Variants in KIRREL3 observed in about 807,000 individuals in gnomAD.
The protein encoded by KIRREL3 is kin of IRRE-like protein 3.
Under a neutral mutation model 89.7 loss-of-function variants are expected in KIRREL3, and 36 were observed. The ratio of observed to expected loss-of-function variants is 0.40; its 90% CI spans 0.31 to 0.53. The LOEUF is 0.53. KIRREL3 is among the 20% of genes least tolerant of loss of function. The pLI is 0.49. For synonymous variants in KIRREL3, 445 were observed against 441.4 expected, an observed-to-expected ratio of 1.01 and a Z score of -0.10; for missense variants, 864 against 1,056.6, an observed-to-expected ratio of 0.82 and a Z score of 2.53.
In KIRREL3 at chr11:126,456,057, T is replaced by TTTTTTTTTTTTTTTTTTTTTTTTTTTTC. The variant is rs147218473; in HGVS notation, c.848+291_848+292insGAAAAAAAAAAAAAAAAAAAAAAAAAAA. 4.4e-4 allele frequency among the ~76,000 whole-genome samples: 48 copies of TTTTTTTTTTTTTTTTTTTTTTTTTTTTC among 109,800 alleles called. 4 individuals are homozygous for TTTTTTTTTTTTTTTTTTTTTTTTTTTTC. The highest frequency in any genetic ancestry group is 5.6e-4 in the East Asian group (2 of 3,590). 72.0% of individuals were successfully genotyped at this position (109,800 alleles called of 152,430 possible). A position where few individuals can be genotyped will look rare whatever the true frequency, so the allele number is the denominator to read the frequency against. On this transcript the variant is annotated intron_variant, in intron 7 of 16. Coordinates refer to ENST00000525144, the MANE Select transcript of KIRREL3 (RefSeq NM_032531.4). The stretch of plus-strand genomic sequence containing the variant: ...TGTTTTCGTTTTTTTTTTTTTTTTT[T>TTTTTTTTTTTTTTTTTTTTTTTTTTTTC]CCTGAGCCTTTTCCCCATGTTTGGA...
rs375649807 is a variant in KIRREL3 at position 126,486,745 on chromosome 11, C to T, written c.434-13279G>A. On this transcript the variant is annotated intron_variant, in intron 4 of 16. Transcript: ENST00000525144. The surrounding 1 kb of genome is among the most constrained non-coding windows in gnomAD (Gnocchi z 6.2). ...CACGCAACTGGCAAGGACTCTGGCT[C>T]AGATCCTGCTGCCCCAACCACTCAG... 1.3e-5 allele frequency among the ~76,000 whole-genome samples: 2 copies of T among 152,316 alleles called. No individual in the cohort carries two copies. Among genetic ancestry groups the T allele is most frequent in the South Asian group, 4.1e-4 (2 of 4,828 alleles).
chr11:126,874,396 T>C (rs1450051943), intron 1 of KIRREL3, among the ~76,000 whole-genome samples: 1 of 152,234 alleles, frequency 6.6e-6, no homozygotes, highest in Non-Finnish European at 1.5e-5. Flanking sequence ...AGGCATCTCT[T>C]ATTCAGGGTA....
chr11:126,458,684 G>A (rs149162286), intron 6 of KIRREL3, among the ~76,000 whole-genome samples: 2 of 152,262 alleles, frequency 1.3e-5, no homozygotes, highest in African/African-American at 4.8e-5. Context: ...GTTCCAGACG[G>A]GGGACCACAA....
At chr11:126,786,302 G>A (rs888258652) in intron 1 of KIRREL3, among the ~76,000 whole-genome samples, 13 of 152,180 alleles carry the variant, frequency 8.5e-5, no homozygotes, top group Non-Finnish European at 1.2e-4. Flanking sequence ...GAAATTCACC[G>A]AAATGCTAAT....
chr11:126,532,661 C>T (rs990340544), intron 2 of KIRREL3, among the ~76,000 whole-genome samples: 2 of 133,576 alleles, frequency 1.5e-5, no homozygotes, highest in Non-Finnish European at 3.2e-5. Context: ...TAAGCGTGAG[C>T]CACTACACCT....
At chr11:126,473,995 G>C (rs1181985414) in intron 4 of KIRREL3, among the ~76,000 whole-genome samples, 1 of 151,804 alleles carries the variant, frequency 6.6e-6, no homozygotes, top group African/African-American at 2.4e-5. Context: ...GTAGAGTTGG[G>C]GTTTCAACAT....
At position 126,995,399 on chromosome 11, in the gene KIRREL3, G is replaced by C. The variant is rs765972583; in HGVS notation, c.55+5056C>G. On this transcript the variant is annotated intron_variant, in intron 1 of 16. Transcript: ENST00000525144. The surrounding 1 kb of genome is among the most constrained non-coding windows in gnomAD (Gnocchi z 6.5). ...AGAACACCCCTCTTCCCAGGCACAG[G>C]ACGAGTTCAGTGCCTCTCTGTTTCT... 2.2e-6 allele frequency: 1 copy of C among 452,708 alleles called. No individual in the cohort carries two copies. Among genetic ancestry groups the C allele is most frequent in the Non-Finnish European group, 4.5e-6 (1 of 224,310 alleles). The allele number at this position is 452,708 out of a possible 1,614,324, so 28.0% of individuals were successfully genotyped here.
Position 126,736,250 on chromosome 11 carries a change from G to C in KIRREL3, c.56-173338C>G, listed in dbSNP as rs2134207313. Among the ~76,000 whole-genome samples, 1 of 152,322 alleles carries C rather than the reference G, an allele frequency of 6.6e-6. No individual in the cohort carries two copies. Among genetic ancestry groups the C allele is most frequent in the African/African-American group, 2.4e-5 (1 of 41,574 alleles). ...TTATGGGGCCATACACTATACGCTA[G>C]AAGTTTTACACACATTTCCTCATTT... On this transcript the variant is annotated intron_variant, in intron 1 of 16. Transcript: ENST00000525144. This position sits in a 1 kb window ranked among gnomAD's most constrained non-coding sequence, Gnocchi z 5.0.
At chr11:126,464,620 T>G (rs988964670) in intron 5 of KIRREL3, among the ~76,000 whole-genome samples, 6 of 150,478 alleles carry the variant, frequency 4.0e-5, no homozygotes, top group Admixed American at 6.6e-5. Flanking sequence ...AAGAGGAGGA[T>G]GAGGAGAAGA....
At chr11:126,963,537 C>G (rs867448204) in intron 1 of KIRREL3, among the ~76,000 whole-genome samples, 1 of 152,130 alleles carries the variant, frequency 6.6e-6, no homozygotes, top group Non-Finnish European at 1.5e-5. Flanking sequence ...GAACAAAATG[C>G]TTTGTGACGA....
rs67307715 is a variant in KIRREL3 at position 126,745,459 on chromosome 11, A to AAAACAAACAAAC, written c.56-182559_56-182548dup. Among the ~76,000 whole-genome samples, 1,198 of 138,974 alleles carry AAAACAAACAAAC rather than the reference A, an allele frequency of 8.6e-3. 9 individuals are homozygous for AAAACAAACAAAC. The highest frequency in any genetic ancestry group is 0.029 in the Middle Eastern group (8 of 280). 91.2% of individuals were successfully genotyped at this position (138,974 alleles called of 152,430 possible). A position where few individuals can be genotyped will look rare whatever the true frequency, so the allele number is the denominator to read the frequency against. ...GATTAGTGAAGCAAGATCAAGATGG[A>AAAACAAACAAAC]AAACAAACAAACAAACAAACAAACA... On this transcript the variant is annotated intron_variant, in intron 1 of 16. Coordinates refer to ENST00000525144, the MANE Select transcript of KIRREL3 (RefSeq NM_032531.4).
intron 1 of KIRREL3, among the ~76,000 whole-genome samples, chr11:126,658,765 T>A (rs976945831): frequency 1.3e-5 from 2 of 152,212 alleles, no homozygotes; most frequent in Non-Finnish European, 2.9e-5. Context: ...CGCCAGACCC[T>A]GCTTGATTCT....
rs560670382 is a variant in KIRREL3 at position 126,689,633 on chromosome 11, T to C, written c.56-126721A>G. ...CCAGGAGATGGGAAGAGACATCTTG[T>C]TAGCCAGTTGCTCTGGTAGCCTGCA... On this transcript the variant is annotated intron_variant, in intron 1 of 16. Coordinates refer to ENST00000525144, the MANE Select transcript of KIRREL3 (RefSeq NM_032531.4). This position sits in a 1 kb window ranked among gnomAD's most constrained non-coding sequence, Gnocchi z 5.2. Among the ~76,000 whole-genome samples the C allele has an allele frequency of 6.6e-5, 10 of 152,366 alleles. No homozygotes were observed. The South Asian group carries it at 1.7e-3, about 25-fold the overall frequency.
At position 126,734,594 on chromosome 11, in the gene KIRREL3, C is replaced by T. The variant is rs142173512; in HGVS notation, c.56-171682G>A. Among the ~76,000 whole-genome samples the T allele has an allele frequency of 0.014, 2,145 of 151,664 alleles. 46 individuals carry two copies. Among genetic ancestry groups the T allele is most frequent in the African/African-American group, 0.045 (1,875 of 41,282 alleles). On this transcript the variant is annotated intron_variant, in intron 1 of 16. Transcript: ENST00000525144. This position sits in a 1 kb window ranked among gnomAD's most constrained non-coding sequence, Gnocchi z 5.9. ...AAGAGAATCACTTGAACCTGGGAAG[C>T]GGAGGTTGCAGTGAGCCGAGATGTC...
intron 1 of KIRREL3, among the ~76,000 whole-genome samples, chr11:126,588,302 T>C (rs1303973349): frequency 1.3e-5 from 2 of 152,224 alleles, no homozygotes; most frequent in Non-Finnish European, 2.9e-5. Flanking sequence ...CCCAGTTTCC[T>C]AATCCACAAA....
chr11:126,846,692 A>T (rs984967623), intron 1 of KIRREL3, among the ~76,000 whole-genome samples: 2 of 152,164 alleles, frequency 1.3e-5, no homozygotes, highest in Admixed American at 6.5e-5. Flanking sequence ...AACAAAAAAA[A>T]ATTTCACACG....
In KIRREL3 at chr11:126,609,202, G is replaced by A. The variant is rs1943018535; in HGVS notation, c.56-46290C>T. Reference sequence around the variant, plus strand: ...ACCGGACCTCAGGAAAGGGGTGCGGGGAAGGTTGGGTTCAGAAGGAGAGAC... The same window carrying A: ...ACCGGACCTCAGGAAAGGGGTGCGGAGAAGGTTGGGTTCAGAAGGAGAGAC... On this transcript the variant is annotated intron_variant, in intron 1 of 16. Coordinates refer to ENST00000525144, the MANE Select transcript of KIRREL3 (RefSeq NM_032531.4). The surrounding 1 kb of genome is among the most constrained non-coding windows in gnomAD (Gnocchi z 5.0). Among the ~76,000 whole-genome samples the A allele has an allele frequency of 6.6e-6, 1 of 152,108 alleles. No homozygotes were observed. The highest frequency in any genetic ancestry group is 2.1e-4 in the South Asian group (1 of 4,828).
At chr11:126,674,369 C>T (rs140208255) in intron 1 of KIRREL3, among the ~76,000 whole-genome samples, 1 of 152,302 alleles carries the variant, frequency 6.6e-6, no homozygotes, top group African/African-American at 2.4e-5. Flanking sequence ...ACCTTGTTCT[C>T]ATAAGTCCTG....
rs573677769 is a variant in KIRREL3, at chr11:126,595,466, C to G, written c.56-32554G>C. Among the ~76,000 whole-genome samples, 109 of 152,366 alleles carry G rather than the reference C, an allele frequency of 7.2e-4. 1 individual carries two copies. The South Asian group carries it at 0.016, about 22-fold the overall frequency. ...AGATCTTGGACTATTTCTCCCTTAT[C>G]AAGGTCTTCCTCATCCTAAACTTGG... On this transcript the variant is annotated intron_variant, in intron 1 of 16. Coordinates refer to ENST00000525144, the MANE Select transcript of KIRREL3 (RefSeq NM_032531.4).
Sources: allele counts gnomAD v4.1 joint callset (sites outside exome capture counted in the v4.1 genomes callset), GRCh38; gene constraint gnomAD v4.1.1; non-coding constraint Gnocchi (gnomAD v3.1); transcripts MANE v1.5; gene names NCBI Gene and HGNC (gene_info 2026-07-23, HGNC 2026-07-21).